DLGAP1: variants seen among roughly 807,000 people sequenced by gnomAD.
DLGAP1 encodes the protein disks large-associated protein 1.
DLGAP1 carries 11 observed loss-of-function variants against 90.8 expected under a neutral mutation model. The ratio of observed to expected loss-of-function variants is 0.12; its 90% CI spans 0.08 to 0.20. The LOEUF (loss-of-function observed/expected upper bound fraction) is 0.20, where lower values mean the gene tolerates loss of function less well. DLGAP1 is among the 10% of genes least tolerant of loss of function. The pLI is 1.00. For synonymous variants in DLGAP1, 558 were observed against 540.7 expected (o/e 1.03, Z -0.44); for missense variants, 1,050 against 1,333.8 (o/e 0.79, Z 3.31).
chr18:4,383,646 T>C lies in DLGAP1; in HGVS notation c.-267+71360A>G, dbSNP rs996598227. On this transcript the variant is annotated intron_variant, in intron 1 of 12. Coordinates refer to ENST00000315677, the MANE Select transcript of DLGAP1 (RefSeq NM_004746.4). This position sits in a 1 kb window ranked among gnomAD's most constrained non-coding sequence, Gnocchi z 4.0. ...GTAGAACTGCTTTCTGACTATGCTA[T>C]GTAGAATGCGAAGTGATTAAACATC... Among the ~76,000 whole-genome samples the C allele has an allele frequency of 6.6e-6, 1 of 152,160 alleles. No homozygotes were observed. The highest frequency in any genetic ancestry group is 6.6e-5 in the Admixed American group (1 of 15,266).
At chr18:4,087,556 T>C (rs1439578428) in intron 2 of DLGAP1, among the ~76,000 whole-genome samples, 5 of 152,136 alleles carry the variant, frequency 3.3e-5, no homozygotes, top group Non-Finnish European at 7.4e-5. Context: ...AATAAATATG[T>C]GGGTAAATCT....
chr18:3,503,048 T>C (rs977480709), intron 11 of DLGAP1, among the ~76,000 whole-genome samples: 4 of 152,172 alleles, frequency 2.6e-5, no homozygotes, highest in Admixed American at 2.6e-4. Context: ...TGCCATACAA[T>C]TTATTCAGAG....
intron 10 of DLGAP1, among the ~76,000 whole-genome samples, chr18:3,515,249 T>C (rs7237595): frequency 0.017 from 2,598 of 151,240 alleles, 71 homozygotes; most frequent in African/African-American, 0.059. Flanking sequence ...GGTGGGTGGA[T>C]CACGAGGTCA....
intron 9 of DLGAP1, among the ~76,000 whole-genome samples, chr18:3,558,824 A>G (rs569417886): frequency 2.0e-3 from 300 of 152,248 alleles, no homozygotes; most frequent in African/African-American, 6.8e-3. Flanking sequence ...CACTCTGACA[A>G]TCTCTGTCTT....
At chr18:4,186,027 T>C (rs528398639) in intron 1 of DLGAP1, among the ~76,000 whole-genome samples, 2 of 152,304 alleles carry the variant, frequency 1.3e-5, no homozygotes, top group South Asian at 4.1e-4. Context: ...ATTTCTTTAA[T>C]GATCAGTGAT....
chr18:3,562,235 T>A (rs548321768), intron 9 of DLGAP1, among the ~76,000 whole-genome samples: 18 of 151,726 alleles, frequency 1.2e-4, no homozygotes, highest in East Asian at 5.8e-4. Context: ...TCTCAAAAAA[T>A]AATAATAATA....
Position 3,731,571 on chromosome 18 carries a change from C to CTT in DLGAP1, c.1351-2198_1351-2197dup, listed in dbSNP as rs71368708. Among the ~76,000 whole-genome samples the CTT allele has an allele frequency of 1.4e-3, 183 of 132,218 alleles. 2 individuals carry two copies. The highest frequency in any genetic ancestry group is 3.5e-3 in the African/African-American group (123 of 35,464). The allele number at this position is 132,218 out of a possible 152,430, so 86.7% of individuals were successfully genotyped here. On this transcript the variant is annotated intron_variant, in intron 6 of 12. Coordinates refer to ENST00000315677, the MANE Select transcript of DLGAP1 (RefSeq NM_004746.4). Reference sequence around the variant, plus strand: ...CACAGGTACGCACCACCACGCCTGGCTTTTTTTTTTTTTTTTGGAGAGACA... The same window carrying CTT: ...CACAGGTACGCACCACCACGCCTGGCTTTTTTTTTTTTTTTTTTGGAGAGACA...
chr18:4,316,480 C>T (rs1322880500), intron 1 of DLGAP1, among the ~76,000 whole-genome samples: 2 of 152,176 alleles, frequency 1.3e-5, no homozygotes, highest in Non-Finnish European at 2.9e-5. Context: ...GAAACTGCCA[C>T]TCTGACACAG....
intron 1 of DLGAP1, among the ~76,000 whole-genome samples, chr18:4,247,063 T>C (rs2078666963): frequency 6.6e-6 from 1 of 151,892 alleles, no homozygotes; most frequent in South Asian, 2.1e-4. Flanking sequence ...GGAGTAGTAG[T>C]AGTTGTAATA....
At chr18:4,146,509 A>T (rs1325803241) in intron 2 of DLGAP1, among the ~76,000 whole-genome samples, 1 of 152,204 alleles carries the variant, frequency 6.6e-6, no homozygotes, top group Non-Finnish European at 1.5e-5. Context: ...ATAAGGCACT[A>T]GAATGGATTC....
chr18:3,720,503 C>T (rs921985910), intron 7 of DLGAP1, among the ~76,000 whole-genome samples: 1 of 152,076 alleles, frequency 6.6e-6, no homozygotes, highest in South Asian at 2.1e-4. Flanking sequence ...AAAGTTTTGC[C>T]CTGAAAACTT....
At position 3,596,308 on chromosome 18, in the gene DLGAP1, C is replaced by G. The variant is rs952000450; in HGVS notation, c.1592-14060G>C. ...TCGTGTAGCTGGAATTACAGCCGCC[C>G]GCCACCATGCTTAGCTTATTTTTAT... On this transcript the variant is annotated intron_variant, in intron 7 of 12. Transcript: ENST00000315677. 9.2e-5 allele frequency among the ~76,000 whole-genome samples: 14 copies of G among 152,102 alleles called. No individual in the cohort carries two copies. The East Asian group carries it at 2.5e-3, about 27-fold the overall frequency.
At chr18:4,145,546 A>G (rs1384852811) in intron 2 of DLGAP1, among the ~76,000 whole-genome samples, 1 of 152,198 alleles carries the variant, frequency 6.6e-6, no homozygotes, top group African/African-American at 2.4e-5. Flanking sequence ...GGTAACCAAT[A>G]TCAAAATGAC....
intron 9 of DLGAP1, among the ~76,000 whole-genome samples, chr18:3,543,665 C>G (rs558350935): frequency 6.6e-6 from 1 of 152,250 alleles, no homozygotes; most frequent in African/African-American, 2.4e-5. Flanking sequence ...ATATATGAAA[C>G]AACTGTTTCC....
At chr18:3,968,414 T>C (rs8095492) in intron 3 of DLGAP1, among the ~76,000 whole-genome samples, 5,677 of 152,226 alleles carry the variant, frequency 0.037, 320 homozygotes, top group African/African-American at 0.12. Context: ...AGTGTGTCAT[T>C]AGCTCATGGC....
At chr18:3,635,255 C>T (rs972122686) in intron 7 of DLGAP1, among the ~76,000 whole-genome samples, 18 of 152,078 alleles carry the variant, frequency 1.2e-4, no homozygotes, top group East Asian at 3.9e-4. Flanking sequence ...CTCAGCCTCC[C>T]GAGTAGCTGG....
In DLGAP1 at chr18:3,600,935, T is replaced by C. The variant is rs1293799981; in HGVS notation, c.1592-18687A>G. 2.7e-5 allele frequency among the ~76,000 whole-genome samples: 2 copies of C among 72,852 alleles called. 1 individual carries two copies. The highest frequency in any genetic ancestry group is 7.2e-5 in the Non-Finnish European group (2 of 27,886). The allele number at this position is 72,852 out of a possible 152,430, so 47.8% of individuals were successfully genotyped here. The stretch of plus-strand genomic sequence containing the variant: ...AGATAGATATAGATATATATAGATA[T>C]ATAGATAGATATATAGATATATATA... On this transcript the variant is annotated intron_variant, in intron 7 of 12. Coordinates refer to ENST00000315677, the MANE Select transcript of DLGAP1 (RefSeq NM_004746.4).
chr18:4,265,139 C>T (rs979859838), intron 1 of DLGAP1, among the ~76,000 whole-genome samples: 5 of 143,510 alleles, frequency 3.5e-5, no homozygotes, highest in Non-Finnish European at 7.6e-5. Flanking sequence ...TCCTTTCCTC[C>T]CTCCCTCCCA....
chr18:4,316,933 G>T (rs1165715809), intron 1 of DLGAP1, among the ~76,000 whole-genome samples: 2 of 152,100 alleles, frequency 1.3e-5, no homozygotes, highest in African/African-American at 2.4e-5. Context: ...GGAATTTAGG[G>T]GTTTCGTTGG....
Sources: allele counts gnomAD v4.1 joint callset (sites outside exome capture counted in the v4.1 genomes callset), GRCh38; gene constraint gnomAD v4.1.1; non-coding constraint Gnocchi (gnomAD v3.1); transcripts MANE v1.5; gene names NCBI Gene and HGNC (gene_info 2026-07-23, HGNC 2026-07-21).